PROSER1: variants seen among roughly 807,000 people sequenced by gnomAD.
PROSER1 encodes the protein proline and serine rich 1.
In PROSER1, 36 loss-of-function variants were observed where a neutral mutation model predicts 71.8. That is an observed-to-expected ratio of 0.50 (90% CI 0.38 to 0.66). The LOEUF (loss-of-function observed/expected upper bound fraction) is 0.66. Among genes scored for constraint, PROSER1 ranks in the 30% least tolerant of loss-of-function variants. The probability of loss-of-function intolerance (pLI) is 0.00; values close to 1 mark genes in which losing one functional copy is unlikely to be tolerated. For synonymous variants in PROSER1, 490 were observed against 452.4 expected (o/e 1.08, Z -1.06); for missense variants, 1,107 against 1,135.0 (o/e 0.98, Z 0.35).
Position 39,022,314 on chromosome 13 carries a change from A to G in PROSER1, c.730+12T>C. On this transcript the variant is annotated intron_variant, in intron 9 of 12. Transcript: ENST00000352251. ...GAATAAGTTACTTAAACACCCCCAA[A>G]TAACATTTTACCTGTTCCTACAGGA... 2 of 1,575,112 alleles carry G rather than the reference A, an allele frequency of 1.3e-6. No individual in the cohort carries two copies. The highest frequency in any genetic ancestry group is 1.7e-6 in the Non-Finnish European group (2 of 1,144,690).
In PROSER1 at chr13:39,034,186, G is replaced by T; in HGVS notation, c.56C>A (p.Thr19Lys). 1 of 1,579,404 alleles carries T rather than the reference G, an allele frequency of 6.3e-7. No homozygotes were observed. Among genetic ancestry groups the T allele is most frequent in the Non-Finnish European group, 8.6e-7 (1 of 1,164,794 alleles). Residue 19 changes from threonine (T) to lysine (K), a missense_variant, in exon 2 of 13, where the codon ACA (threonine) becomes AAA (lysine). Thr to Lys is a moderately conservative substitution (Grantham distance 78, BLOSUM62 -1). Transcript: ENST00000352251. ...VLDEIRKAVL[T>K]EYKLKAIEYV... ...TTCAATTGCTTTTAATTTGTATTCTGTCAAAACAGCCTAAAAAAAAAAAAC... is the reference window on the plus strand; with the variant it reads ...TTCAATTGCTTTTAATTTGTATTCTTTCAAAACAGCCTAAAAAAAAAAAAC...
Position 39,023,142 on chromosome 13 carries a change from G to C in PROSER1, c.565-12C>G. The C allele has an allele frequency of 6.3e-7, 1 of 1,599,094 alleles. No homozygotes were observed. Among genetic ancestry groups the C allele is most frequent in the Non-Finnish European group, 8.6e-7 (1 of 1,166,844 alleles). ...TATGTTGAAGGAGGCTAAAACATGG[G>C]GGAAAATACAGCAGTTAGAAGAAAA... is the stretch of plus-strand genomic sequence containing the variant. On this transcript the variant is annotated splice_polypyrimidine_tract_variant and intron_variant, in intron 7 of 12. Transcript: ENST00000352251.
intron 5 of PROSER1, among the ~76,000 whole-genome samples, chr13:39,027,140 T>C (rs1662409557): frequency 6.6e-6 from 1 of 152,164 alleles, no homozygotes; most frequent in African/African-American, 2.4e-5. Flanking sequence ...TTATTATATA[T>C]TGGTTTTATA....
chr13:39,034,261 T>C (rs969692785), intron 1 of PROSER1, 65 bp from the exon 2 acceptor site: 84 of 1,339,888 alleles, frequency 6.3e-5, no homozygotes, highest in Non-Finnish European at 8.2e-5. Flanking sequence ...AGCACAGTAA[T>C]ATACATCTAT....
chr13:39,025,622 G>T (rs1319628712), intron 6 of PROSER1, among the ~76,000 whole-genome samples: 1 of 152,180 alleles, frequency 6.6e-6, no homozygotes, highest in African/African-American at 2.4e-5. Context: ...TGCCAAGCAT[G>T]TAAACGAGTC....
intron 9 of PROSER1, among the ~76,000 whole-genome samples, chr13:39,021,240 T>G (rs1870274584): frequency 6.6e-6 from 1 of 152,174 alleles, no homozygotes; most frequent in Admixed American, 6.5e-5. Context: ...ACTGCCTTTG[T>G]GCAGAGTATT....
chr13:39,034,190 A>C lies in PROSER1; in HGVS notation c.52T>G (p.Leu18Val). The C allele has an allele frequency of 6.3e-7, 1 of 1,587,546 alleles. No individual in the cohort carries two copies. The highest frequency in any genetic ancestry group is 8.5e-7 in the Non-Finnish European group (1 of 1,170,762). Reference protein sequence around the residue: ...MVLDEIRKAVLTEYKLKAIEY... With the variant: ...MVLDEIRKAVVTEYKLKAIEY... ...ATTGCTTTTAATTTGTATTCTGTCA[A>C]AACAGCCTAAAAAAAAAAAACACAC... The change falls in exon 2 of 13, where the codon TTG becomes GTG. Residue 18 changes from leucine (L) to valine (V), a missense_variant. By Grantham distance (32) the Leu-to-Val change is conservative. Coordinates refer to ENST00000352251, the MANE Select transcript of PROSER1 (RefSeq NM_025138.5).
chr13:39,014,486 A>AG lies in PROSER1; in HGVS notation c.776-11dup, dbSNP rs763062708. ...GCTGGGGTGGAAAATGCTATATGGA[A>AG]GGGGGAAAAAAGGCAAGAATGTATC... is the stretch of plus-strand genomic sequence containing the variant. On this transcript the variant is annotated splice_polypyrimidine_tract_variant and intron_variant, in intron 10 of 12. Transcript: ENST00000352251. 7.0e-6 allele frequency: 11 copies of AG among 1,580,866 alleles called. No homozygotes were observed. Among genetic ancestry groups the AG allele is most frequent in the Non-Finnish European group, 9.5e-6 (11 of 1,159,094 alleles).
Position 39,011,412 on chromosome 13 carries a change from T to C in PROSER1, c.2788A>G (p.Thr930Ala). 6.2e-7 allele frequency: 1 copy of C among 1,614,148 alleles called. No homozygotes were observed. The highest frequency in any genetic ancestry group is 1.6e-4 in the Middle Eastern group (1 of 6,062). Residue 930 changes from threonine to alanine, a missense_variant, in exon 13 of 13, where the codon ACA becomes GCA. Physicochemically the swap from Thr to Ala is moderately conservative, Grantham distance 58. Coordinates refer to ENST00000352251, the MANE Select transcript of PROSER1 (RefSeq NM_025138.5). ...GFPSYPSAPG[T>A]PFSLQPSLSQ... is the part of the protein sequence containing the mutation. ...AGGCTTGGTTGCAAAGAAAATGGTG[T>C]TCCTGGCGCTGAAGGATAACTAGGA...
Position 39,013,277 on chromosome 13 carries a change from C to A in PROSER1, c.1975G>T (p.Ala659Ser). The change falls in exon 11 of 13, where the codon GCA becomes TCA. Residue 659 changes from alanine (A) to serine (S), a missense_variant. Transcript: ENST00000352251. ...PISLSACLNP[A>S]LSGLSSLSTP... Reference sequence around the variant, plus strand: ...CTCAAGCTGGAGAGACCTGACAATGCAGGATTAAGGCAAGCAGATAAACTG... The same window carrying A: ...CTCAAGCTGGAGAGACCTGACAATGAAGGATTAAGGCAAGCAGATAAACTG... 1.9e-6 allele frequency: 3 copies of A among 1,614,024 alleles called. No individual in the cohort carries two copies. Among genetic ancestry groups the A allele is most frequent in the Non-Finnish European group, 2.5e-6 (3 of 1,180,008 alleles).
intron 8 of PROSER1, chr13:39,022,620 C>T (rs933263327): frequency 3.1e-5 from 16 of 512,420 alleles, no homozygotes; most frequent in Non-Finnish European, 5.6e-5. Context: ...ATTCCTATTT[C>T]CCACTGCATG....
rs1005005012 is a variant in PROSER1, at chr13:39,037,636, A to C, written c.-394T>G. On this transcript the variant is annotated 5_prime_UTR_variant, in exon 1 of 13. Coordinates refer to ENST00000352251, the MANE Select transcript of PROSER1 (RefSeq NM_025138.5). ...AGGTAGCTCTTGAAGGCGCTTTCCC[A>C]GGTGGAGCGGCCGGCAGAGTAGAAA... is the stretch of plus-strand genomic sequence containing the variant. 3.6e-5 allele frequency: 6 copies of C among 167,158 alleles called. No individual in the cohort carries two copies. Among genetic ancestry groups the C allele is most frequent in the African/African-American group, 1.4e-4 (6 of 41,806 alleles). The allele number at this position is 167,158 out of a possible 1,614,324, so 10.4% of individuals were successfully genotyped here. A position where few individuals can be genotyped will look rare whatever the true frequency, so the allele number is the denominator to read the frequency against.
intron 9 of PROSER1, 113 bp from the exon 10 acceptor site, chr13:39,017,657 T>C: frequency 1.6e-6 from 1 of 631,548 alleles, no homozygotes; most frequent in Non-Finnish European, 2.7e-6. Flanking sequence ...TTATGGACTA[T>C]GTTAGGAAAA....
intron 4 of PROSER1, chr13:39,029,013 C>T (rs1021326890): frequency 3.6e-5 from 9 of 252,078 alleles, no homozygotes; most frequent in Non-Finnish European, 6.6e-5. Flanking sequence ...TCTTAAATTC[C>T]TGTCTTTTCA....
intron 1 of PROSER1, among the ~76,000 whole-genome samples, chr13:39,035,633 C>T (rs945892589): frequency 2.0e-5 from 3 of 152,066 alleles, no homozygotes; most frequent in African/African-American, 7.3e-5. Flanking sequence ...CCCCTTTCTA[C>T]TCCCTTTCCC....
Position 39,022,363 on chromosome 13 carries a change from T to C in PROSER1, c.693A>G (p.Pro231=), listed in dbSNP as rs1415607279. 2 of 1,612,898 alleles carry C rather than the reference T, an allele frequency of 1.2e-6. No homozygotes were observed. Residue 231 remains proline, a synonymous_variant, in exon 9 of 13, where the codon CCA becomes CCG. Transcript: ENST00000352251. ...GATTAGGAGTATATGGAGGTGGAGG[T>C]GGAGCTATGACATTCGCTAATGGTA... ...GLVPLANVIA[P]PPPPYTPNPV...
intron 3 of PROSER1, among the ~76,000 whole-genome samples, chr13:39,030,372 C>T (rs1053398260): frequency 7.2e-5 from 11 of 152,118 alleles, no homozygotes; most frequent in Non-Finnish European, 1.0e-4. Flanking sequence ...AAAGGTCAGA[C>T]TTAATTTAAT....
intron 8 of PROSER1, 131 bp downstream of exon 8, chr13:39,022,921 G>A: frequency 1.5e-6 from 1 of 654,472 alleles, no homozygotes; most frequent in Non-Finnish European, 2.7e-6. Flanking sequence ...CTAACTATGG[G>A]CATAATTAAG....
At chr13:39,031,455 G>T in intron 3 of PROSER1, 108 bp downstream of exon 3, 1 of 819,588 alleles carries the variant, frequency 1.2e-6, no homozygotes, top group Non-Finnish European at 2.0e-6. Context: ...AACACATAGA[G>T]TTCGCTTTTC....
Sources: allele counts gnomAD v4.1 joint callset (sites outside exome capture counted in the v4.1 genomes callset), GRCh38; gene constraint gnomAD v4.1.1; transcripts MANE v1.5; gene names NCBI Gene and HGNC (gene_info 2026-07-23, HGNC 2026-07-21).